The following PRKN variants were observed in gnomAD, a reference collection of about 807,000 sequenced individuals.
PRKN encodes the protein parkin RBR E3 ubiquitin protein ligase.
Under a neutral mutation model 59.5 loss-of-function variants are expected in PRKN, and 56 were observed. The ratio of observed to expected loss-of-function variants is 0.94; its 90% CI spans 0.76 to 1.18. The LOEUF is 1.18. Among genes scored for constraint, PRKN ranks in the 50% most tolerant of loss-of-function variants. PRKN has a pLI of 0.00. For synonymous variants in PRKN, 250 were observed against 222.1 expected (o/e 1.13, Z -1.12); for missense variants, 657 against 596.4 (o/e 1.10, Z -1.06).
At chr6:162,243,867 G>A (rs1388274252) in intron 3 of PRKN, among the ~76,000 whole-genome samples, 1 of 152,008 alleles carries the variant, frequency 6.6e-6, no homozygotes, top group African/African-American at 2.4e-5. Flanking sequence ...TTCCAATCAT[G>A]AAGGACTGTG....
At chr6:162,376,833 A>G (rs1318840990) in intron 2 of PRKN, among the ~76,000 whole-genome samples, 4 of 64,632 alleles carry the variant, frequency 6.2e-5, no homozygotes, top group Admixed American at 2.4e-4. Flanking sequence ...GGAGAGGGAG[A>G]GGGAGGGAGG....
intron 2 of PRKN, among the ~76,000 whole-genome samples, chr6:162,439,619 T>C (rs1336504407): frequency 6.6e-6 from 1 of 152,008 alleles, no homozygotes; most frequent in African/African-American, 2.4e-5. Context: ...ACTGCATGGG[T>C]CCATTTATAT....
chr6:162,321,819 G>A (rs1783036474), intron 2 of PRKN, among the ~76,000 whole-genome samples: 1 of 151,920 alleles, frequency 6.6e-6, no homozygotes, highest in South Asian at 2.1e-4. Context: ...GTCTTATACA[G>A]TCCCACAGCA....
At chr6:162,008,477 C>G (rs1316536330) in intron 5 of PRKN, among the ~76,000 whole-genome samples, 2 of 152,134 alleles carry the variant, frequency 1.3e-5, no homozygotes, top group Non-Finnish European at 2.9e-5. Flanking sequence ...GAGAAGAGAA[C>G]AGTGTATCGA....
intron 1 of PRKN, among the ~76,000 whole-genome samples, chr6:162,695,502 T>C (rs905313380): frequency 6.6e-6 from 1 of 152,134 alleles, no homozygotes; most frequent in Non-Finnish European, 1.5e-5. Context: ...TGCAAAAACA[T>C]TATATATCTT....
At chr6:162,197,509 T>C (rs1784542075) in intron 4 of PRKN, among the ~76,000 whole-genome samples, 1 of 152,192 alleles carries the variant, frequency 6.6e-6, no homozygotes, top group Non-Finnish European at 1.5e-5. Flanking sequence ...GGGAAGTAGT[T>C]AGAAAATAGA....
chr6:161,833,831 C>A (rs1320910660), intron 6 of PRKN, among the ~76,000 whole-genome samples: 1 of 152,066 alleles, frequency 6.6e-6, no homozygotes, highest in African/African-American at 2.4e-5. Flanking sequence ...TCCCATGGGT[C>A]CTGAAGGAGC....
chr6:162,546,384 T>C (rs1479704196), intron 1 of PRKN, among the ~76,000 whole-genome samples: 2 of 151,950 alleles, frequency 1.3e-5, no homozygotes, highest in African/African-American at 2.4e-5. Context: ...ATTACAGGCA[T>C]GAGCTACAGC....
intron 7 of PRKN, among the ~76,000 whole-genome samples, chr6:161,738,957 G>A (rs952285257): frequency 6.6e-6 from 1 of 152,182 alleles, no homozygotes; most frequent in Non-Finnish European, 1.5e-5. Flanking sequence ...TGGGAAACAG[G>A]TATACAGTTT....
chr6:162,142,785 C>T (rs1003792744), intron 4 of PRKN, among the ~76,000 whole-genome samples: 3 of 152,084 alleles, frequency 2.0e-5, no homozygotes, highest in African/African-American at 4.8e-5. Flanking sequence ...TCATTTTATC[C>T]GCTAACAACC....
chr6:161,806,010 G>C (rs546401463), intron 6 of PRKN, among the ~76,000 whole-genome samples: 13 of 152,332 alleles, frequency 8.5e-5, no homozygotes, highest in Non-Finnish European at 1.5e-4. Context: ...CCACAGAGCA[G>C]CCTACTCCCT....
intron 3 of PRKN, among the ~76,000 whole-genome samples, chr6:162,227,759 G>T (rs1471926545): frequency 6.6e-6 from 1 of 152,106 alleles, no homozygotes; most frequent in Non-Finnish European, 1.5e-5. Flanking sequence ...CAAAAGTGAA[G>T]TTAGCTACTT....
rs1002157375 is a variant in PRKN, at chr6:161,419,537, G to A, written c.1084-32660C>T. 3.3e-5 allele frequency among the ~76,000 whole-genome samples: 5 copies of A among 151,862 alleles called. No individual in the cohort carries two copies. Among genetic ancestry groups the A allele is most frequent in the Admixed American group, 3.3e-4 (5 of 15,262 alleles). ...TGAGTAGCTGGGATTACAGGTACAC[G>A]CCACTGCGCCTGGCTAATTTTTGTA... On this transcript the variant is annotated intron_variant, in intron 9 of 11. Coordinates refer to ENST00000366898, the MANE Select transcript of PRKN (RefSeq NM_004562.3). The surrounding 1 kb of genome is among the most constrained non-coding windows in gnomAD (Gnocchi z 4.1).
chr6:162,301,004 CCA>C (rs751800560), intron 2 of PRKN, among the ~76,000 whole-genome samples: 2 of 151,526 alleles, frequency 1.3e-5, no homozygotes, highest in Non-Finnish European at 2.9e-5. Flanking sequence ...AATCAGAACT[CCA>C]CAGTTTTATA....
chr6:162,016,437 T>C (rs751963978), intron 5 of PRKN, among the ~76,000 whole-genome samples: 29 of 152,246 alleles, frequency 1.9e-4, no homozygotes, highest in Non-Finnish European at 3.7e-4. Flanking sequence ...TTTCTTCTTG[T>C]CTTGATAGGT....
intron 5 of PRKN, among the ~76,000 whole-genome samples, chr6:162,046,355 G>C (rs983951889): frequency 1.3e-5 from 2 of 152,178 alleles, no homozygotes; most frequent in African/African-American, 4.8e-5. Context: ...CATAAAGTGC[G>C]ATACAAACTA....
At position 161,780,247 on chromosome 6, in the gene PRKN, G is replaced by A. The variant is rs189333827; in HGVS notation, c.871+5525C>T. Among the ~76,000 whole-genome samples, 45 of 152,124 alleles carry A rather than the reference G, an allele frequency of 3.0e-4. 1 individual carries two copies. The highest frequency in any genetic ancestry group is 1.1e-3 in the African/African-American group (45 of 41,424). ...AGCATTTGAACTAGGCTTTTCTGAG[G>A]TGCCGTATATAAACCAGGATTTGTG... On this transcript the variant is annotated intron_variant, in intron 7 of 11. Coordinates refer to ENST00000366898, the MANE Select transcript of PRKN (RefSeq NM_004562.3).
chr6:162,432,356 A>G (rs1789577096), intron 2 of PRKN, among the ~76,000 whole-genome samples: 2 of 151,910 alleles, frequency 1.3e-5, no homozygotes, highest in African/African-American at 2.4e-5. Flanking sequence ...TAACACTCCA[A>G]CTCTATTAAA....
intron 7 of PRKN, among the ~76,000 whole-genome samples, chr6:161,662,183 TA>T (rs1247065842): frequency 6.6e-6 from 1 of 152,124 alleles, no homozygotes; most frequent in Non-Finnish European, 1.5e-5. Context: ...AGGGGTGGAA[TA>T]AAAAGCTTTA....
Sources: gnomAD v4.1 joint callset for allele counts (sites outside exome capture counted in the v4.1 genomes callset) on GRCh38, gnomAD v4.1.1 for gene constraint, Gnocchi (gnomAD v3.1) non-coding constraint, MANE v1.5 for transcripts, NCBI Gene and HGNC (gene_info 2026-07-23, HGNC 2026-07-21) for gene names.